CPNE3: variants seen among roughly 807,000 people sequenced by gnomAD.
CPNE3 encodes copine-3.
Under a neutral mutation model 63.9 loss-of-function variants are expected in CPNE3, and 68 were observed. The ratio of observed to expected loss-of-function variants is 1.06; its 90% CI spans 0.87 to 1.30. The LOEUF is 1.30. Ranked by LOEUF, CPNE3 falls within the 50% of genes most tolerant of loss-of-function variation. The pLI is 0.00. For missense variants in CPNE3, 665 were observed against 578.1 expected, an observed-to-expected ratio of 1.15 and a Z score of -1.54; for synonymous variants, 219 against 197.5, an observed-to-expected ratio of 1.11 and a Z score of -0.91.
intron 2 of CPNE3, among the ~76,000 whole-genome samples, chr8:86,526,988 G>GT (rs1184056452): frequency 6.6e-6 from 1 of 152,100 alleles, no homozygotes; most frequent in Non-Finnish European, 1.5e-5. Flanking sequence ...GATGTTAGTT[G>GT]TTTTTTGACA....
At chr8:86,538,745 A>C (rs1315659837) in intron 7 of CPNE3, among the ~76,000 whole-genome samples, 3 of 152,132 alleles carry the variant, frequency 2.0e-5, no homozygotes, top group African/African-American at 7.2e-5. Context: ...TGTCAAAAAC[A>C]CTATGTGTGT....
At chr8:86,531,281 A>C (rs944449299) in intron 5 of CPNE3, 52 bp downstream of exon 5, 2 of 839,472 alleles carry the variant, frequency 2.4e-6, no homozygotes, top group African/African-American at 3.3e-5. Flanking sequence ...ATAACAGGAC[A>C]TGCCGAAACT....
At chr8:86,545,990 C>G (rs996780303) in intron 9 of CPNE3, among the ~76,000 whole-genome samples, 1 of 151,894 alleles carries the variant, frequency 6.6e-6, no homozygotes, top group East Asian at 1.9e-4. Context: ...GAGCCAAGCC[C>G]TAAAGATGGA....
chr8:86,520,229 G>T (rs1352687982), intron 2 of CPNE3, among the ~76,000 whole-genome samples: 1 of 152,168 alleles, frequency 6.6e-6, no homozygotes, highest in Admixed American at 6.5e-5. Flanking sequence ...CTTAAAGAAA[G>T]GGATTGACTC....
intron 12 of CPNE3, 81 bp downstream of exon 12, chr8:86,548,515 C>A: frequency 6.4e-7 from 1 of 1,550,410 alleles, no homozygotes; most frequent in Non-Finnish European, 8.8e-7. Flanking sequence ...GGCTAGCACT[C>A]TGATATAGGT....
chr8:86,549,139 T>G (rs1211443670), intron 12 of CPNE3, among the ~76,000 whole-genome samples: 1 of 152,176 alleles, frequency 6.6e-6, no homozygotes, highest in Non-Finnish European at 1.5e-5. Flanking sequence ...CACTTGCTTT[T>G]GTCTATTATT....
chr8:86,554,781 C>T lies in CPNE3; in HGVS notation c.1121-70C>T, dbSNP rs759760290. The T allele has an allele frequency of 4.5e-6, 7 of 1,555,644 alleles. No individual in the cohort carries two copies. In the East Asian group the frequency reaches 1.4e-4, roughly 30 times the overall value. On this transcript the variant is annotated intron_variant, in intron 14 of 16. Transcript: ENST00000517490. Reference sequence around the variant, plus strand: ...TGTTGATACATATAATCAAATTAGCCAGTATTGTGAATAAACACATTGTGC... The same window carrying T: ...TGTTGATACATATAATCAAATTAGCTAGTATTGTGAATAAACACATTGTGC...
At chr8:86,537,933 G>A (rs1820837357) in intron 7 of CPNE3, among the ~76,000 whole-genome samples, 1 of 151,458 alleles carries the variant, frequency 6.6e-6, no homozygotes, top group South Asian at 2.1e-4. Context: ...ACATACTTGT[G>A]CTCTCTGTCT....
At chr8:86,518,382 C>T (rs1312613301) in intron 2 of CPNE3, among the ~76,000 whole-genome samples, 1 of 152,156 alleles carries the variant, frequency 6.6e-6, no homozygotes, top group Non-Finnish European at 1.5e-5. Context: ...GTTGGTGTAC[C>T]TTAATATCAG....
intron 2 of CPNE3, among the ~76,000 whole-genome samples, chr8:86,526,902 T>C (rs1421681733): frequency 1.3e-5 from 2 of 152,214 alleles, no homozygotes; most frequent in African/African-American, 4.8e-5. Context: ...GGAATCTTAG[T>C]ATTGATTTTT....
At chr8:86,555,764 A>C (rs936099377) in intron 15 of CPNE3, among the ~76,000 whole-genome samples, 1 of 152,208 alleles carries the variant, frequency 6.6e-6, no homozygotes. Context: ...TGAAGTTTCC[A>C]CTTGCCTCCT....
intron 2 of CPNE3, among the ~76,000 whole-genome samples, chr8:86,527,028 T>C (rs1393340301): frequency 6.6e-6 from 1 of 152,228 alleles, no homozygotes; most frequent in Admixed American, 6.5e-5. Context: ...TGATAATCTT[T>C]GTTACTTCAG....
intron 14 of CPNE3, 62 bp downstream of exon 14, chr8:86,551,296 GT>G: frequency 9.0e-7 from 1 of 1,107,556 alleles, no homozygotes; most frequent in Non-Finnish European, 1.3e-6. Context: ...TTGTTATTTT[GT>G]TCTTTGTTCT....
chr8:86,537,184 G>A (rs945834539), intron 6 of CPNE3, among the ~76,000 whole-genome samples: 7 of 152,192 alleles, frequency 4.6e-5, no homozygotes, highest in Non-Finnish European at 1.0e-4. Context: ...TCTCCATAGA[G>A]TTGGTATGGC....
chr8:86,558,821 A>G lies in CPNE3; in HGVS notation c.*411A>G, dbSNP rs1044719. ...TTCACAGTGTATGTTGTATAAGCCAATGTCCATACCTGATTATGAGAGCTT... is the reference window on the plus strand; with the variant it reads ...TTCACAGTGTATGTTGTATAAGCCAGTGTCCATACCTGATTATGAGAGCTT... On this transcript the variant is annotated 3_prime_UTR_variant, in exon 17 of 17. Coordinates refer to ENST00000517490, the MANE Select transcript of CPNE3 (RefSeq NM_003909.5). 95,146 of 187,476 alleles carry G rather than the reference A, an allele frequency of 0.51. 26,339 individuals are homozygous for G. The highest frequency in any genetic ancestry group is 0.61 in the Non-Finnish European group (53,487 of 87,194). The allele number at this position is 187,476 out of a possible 1,614,324, so 11.6% of individuals were successfully genotyped here.
intron 8 of CPNE3, among the ~76,000 whole-genome samples, chr8:86,544,144 A>C (rs919900430): frequency 6.6e-6 from 1 of 151,840 alleles, no homozygotes; most frequent in South Asian, 2.1e-4. Context: ...TGGACTAAGT[A>C]CTCTTAGCCT....
Position 86,542,015 on chromosome 8 carries a change from A to C in CPNE3, c.633+1681A>C, listed in dbSNP as rs188673152. ...GTGTGTAATGATATGTTAACAACAA[A>C]ACAATATCTTTTAAACTTTTTTGCT... is the stretch of plus-strand genomic sequence containing the variant. On this transcript the variant is annotated intron_variant, in intron 8 of 16. Coordinates refer to ENST00000517490, the MANE Select transcript of CPNE3 (RefSeq NM_003909.5). Among the ~76,000 whole-genome samples, 276 of 152,330 alleles carry C rather than the reference A, an allele frequency of 1.8e-3. 4 individuals are homozygous for C. The highest frequency in any genetic ancestry group is 6.2e-3 in the African/African-American group (257 of 41,580).
intron 2 of CPNE3, chr8:86,524,659 T>C (rs1020839095): frequency 4.0e-5 from 6 of 151,336 alleles, no homozygotes; most frequent in Non-Finnish European, 8.8e-5. Flanking sequence ...ATAAAACGTT[T>C]GTTTTATTTT....
chr8:86,546,557 C>T (rs1459730638), intron 9 of CPNE3, 38 bp from the exon 10 acceptor site: 2 of 1,589,792 alleles, frequency 1.3e-6, no homozygotes, highest in Non-Finnish European at 1.7e-6. Context: ...TCTAATATTG[C>T]TAATAAAAAG....
Sources: allele counts gnomAD v4.1 joint callset (sites outside exome capture counted in the v4.1 genomes callset), GRCh38; gene constraint gnomAD v4.1.1; transcripts MANE v1.5; gene names NCBI Gene and HGNC (gene_info 2026-07-23, HGNC 2026-07-21).